The following PDE1C variants were observed in gnomAD, a reference collection of about 807,000 sequenced individuals.
PDE1C encodes the protein dual specificity calcium/calmodulin-dependent 3',5'-cyclic nucleotide phosphodiesterase 1C.
Under a neutral mutation model 93.1 loss-of-function variants are expected in PDE1C, and 62 were observed. The ratio of observed to expected loss-of-function variants is 0.67; its 90% CI spans 0.54 to 0.82. The LOEUF is 0.82. Among genes scored for constraint, PDE1C ranks in the 40% least tolerant of loss-of-function variants. PDE1C has a pLI of 0.00. For synonymous variants in PDE1C, 325 were observed against 310.1 expected (o/e 1.05, Z -0.50); for missense variants, 742 against 884.6 (o/e 0.84, Z 2.04).
chr7:32,388,462 C>A (rs937789009), intron 1 of PDE1C, among the ~76,000 whole-genome samples: 4 of 151,866 alleles, frequency 2.6e-5, no homozygotes, highest in Non-Finnish European at 4.4e-5. Flanking sequence ...GATTAGAGGA[C>A]CTCCAAAAAA....
intron 2 of PDE1C, among the ~76,000 whole-genome samples, chr7:32,191,094 G>A (rs965402358): frequency 1.1e-4 from 17 of 152,184 alleles, no homozygotes; most frequent in African/African-American, 4.1e-4. Flanking sequence ...GGTACTCTAA[G>A]GGCTTTGACT....
chr7:32,178,225 T>C (rs1181189336), intron 2 of PDE1C, among the ~76,000 whole-genome samples: 1 of 152,198 alleles, frequency 6.6e-6, no homozygotes, highest in Non-Finnish European at 1.5e-5. Context: ...CTGCTACTCA[T>C]TCCTGCCTTA....
At chr7:32,329,617 C>T (rs1051509757) in intron 1 of PDE1C, among the ~76,000 whole-genome samples, 2 of 152,066 alleles carry the variant, frequency 1.3e-5, no homozygotes, top group African/African-American at 4.8e-5. Context: ...GATAATAATG[C>T]TAACAAGTTA....
At chr7:32,314,631 C>A (rs982985260) in intron 1 of PDE1C, among the ~76,000 whole-genome samples, 3 of 152,100 alleles carry the variant, frequency 2.0e-5, no homozygotes, top group Admixed American at 6.5e-5. Flanking sequence ...TTCAAGCCCT[C>A]AGTAACAAAG....
intron 1 of PDE1C, among the ~76,000 whole-genome samples, chr7:32,376,954 T>C (rs1336796739): frequency 6.6e-6 from 1 of 152,140 alleles, no homozygotes; most frequent in Non-Finnish European, 1.5e-5. Flanking sequence ...CCCACAGTGC[T>C]GCGATTACAG....
chr7:31,702,186 A>G, the PDE1C span, among the ~76,000 whole-genome samples: 5 of 148,930 alleles, frequency 3.4e-5, no homozygotes, highest in African/African-American at 1.3e-4. Flanking sequence ...TATGGCTTAA[A>G]TCAGCTTTTC....
At chr7:31,924,529 C>A (rs977106111) in intron 2 of PDE1C, among the ~76,000 whole-genome samples, 4 of 151,948 alleles carry the variant, frequency 2.6e-5, no homozygotes, top group African/African-American at 7.3e-5. Flanking sequence ...CTCTTCCTTG[C>A]AGCATTTTAG....
At chr7:31,790,623 A>G (rs995970428) in intron 16 of PDE1C, among the ~76,000 whole-genome samples, 2 of 152,104 alleles carry the variant, frequency 1.3e-5, no homozygotes, top group Admixed American at 1.3e-4. Context: ...ATTGGAAGAA[A>G]TCAGATTCAT....
rs545765980 is a variant in PDE1C at position 32,264,764 on chromosome 7, C to T, written c.85+33887G>A. ...TCCTGGAGTGATGAATCAAGATGTC[C>T]CATGCCTCCACATTGTCTGAGCCTA... On this transcript the variant is annotated intron_variant, in intron 1 of 18. Transcript: ENST00000396193. Among the ~76,000 whole-genome samples, 81 of 152,274 alleles carry T rather than the reference C, an allele frequency of 5.3e-4. 1 individual carries two copies. In the South Asian group the frequency reaches 0.015, roughly 29 times the overall value.
chr7:32,212,245 G>T (rs919684872), intron 1 of PDE1C, among the ~76,000 whole-genome samples: 1 of 152,002 alleles, frequency 6.6e-6, no homozygotes, highest in Non-Finnish European at 1.5e-5. Context: ...AAAGAACAGA[G>T]ACACCAATGT....
chr7:31,781,213 C>G (rs2128638219), intron 16 of PDE1C, among the ~76,000 whole-genome samples: 1 of 152,306 alleles, frequency 6.6e-6, no homozygotes, highest in East Asian at 1.9e-4. Context: ...AGCTTAACCT[C>G]AAACAAATAA....
At chr7:32,105,402 T>G (rs999631818) in intron 3 of PDE1C, among the ~76,000 whole-genome samples, 1 of 151,142 alleles carries the variant, frequency 6.6e-6, no homozygotes, top group African/African-American at 2.4e-5. Context: ...AAGAGAAAGG[T>G]GGAAATGGAA....
At chr7:31,855,294 C>T (rs746469446) in intron 7 of PDE1C, among the ~76,000 whole-genome samples, 20 of 152,070 alleles carry the variant, frequency 1.3e-4, no homozygotes, top group Non-Finnish European at 2.9e-4. Context: ...TTTCCCTCTT[C>T]ACCTTCAAGC....
intron 1 of PDE1C, among the ~76,000 whole-genome samples, chr7:32,417,670 T>TAAAAAAA (rs200338870): frequency 8.9e-6 from 1 of 112,412 alleles, no homozygotes; most frequent in African/African-American, 3.0e-5. Context: ...CCCAATTTAG[T>TAAAAAAA]AAAAAAAAAA....
Position 32,420,116 on chromosome 7 carries a change from TATATATATACACACAC to T in PDE1C, c.310+7690_310+7705del, listed in dbSNP as rs1432447184. ...GCATATATATATATATATATATATA[TATATATATACACACAC>T]ACACACACACACACACACACACACA... On this transcript the variant is annotated intron_variant, in intron 1 of 1. Coordinates refer to the PDE1C transcript ENST00000672256. Among the ~76,000 whole-genome samples the T allele has an allele frequency of 6.8e-5, 2 of 29,588 alleles. 1 individual carries two copies. The highest frequency in any genetic ancestry group is 1.3e-4 in the Non-Finnish European group (2 of 14,900). The allele number at this position is 29,588 out of a possible 152,430, so 19.4% of individuals were successfully genotyped here.
chr7:32,036,001 G>A (rs1010217399), intron 2 of PDE1C, among the ~76,000 whole-genome samples: 2 of 152,138 alleles, frequency 1.3e-5, no homozygotes. Context: ...CACCAGAGTG[G>A]GGCAAGCTCA....
the PDE1C span, among the ~76,000 whole-genome samples, chr7:31,701,491 T>C: frequency 2.6e-5 from 4 of 152,232 alleles, no homozygotes; most frequent in Admixed American, 2.6e-4. Flanking sequence ...GTGAACATTG[T>C]TGAAATGACA....
At chr7:32,160,801 C>T (rs1801869704) in intron 3 of PDE1C, among the ~76,000 whole-genome samples, 1 of 150,710 alleles carries the variant, frequency 6.6e-6, no homozygotes, top group Admixed American at 6.6e-5. Flanking sequence ...CAGAGCAATA[C>T]TCTGTTGAAA....
At chr7:32,167,583 T>C (rs1044599524) in intron 3 of PDE1C, among the ~76,000 whole-genome samples, 1 of 152,140 alleles carries the variant, frequency 6.6e-6, no homozygotes, top group Non-Finnish European at 1.5e-5. Context: ...GCGATGATTC[T>C]TGAACCCAGC....
Sources: gnomAD v4.1 joint callset for allele counts (sites outside exome capture counted in the v4.1 genomes callset) on GRCh38, gnomAD v4.1.1 for gene constraint, MANE v1.5 for transcripts, NCBI Gene and HGNC (gene_info 2026-07-23, HGNC 2026-07-21) for gene names.